Variants in MYO3A observed in about 807,000 individuals in gnomAD.
MYO3A encodes myosin IIIA.
MYO3A carries 180 observed loss-of-function variants against 192.7 expected under a neutral mutation model. The observed-to-expected ratio is 0.93, with a 90% CI of 0.83 to 1.06. MYO3A has a LOEUF of 1.06. Ranked by LOEUF, MYO3A falls within the 50% of genes least tolerant of loss-of-function variation. The pLI is 0.00. For missense variants in MYO3A, 1,896 were observed against 1,905.0 expected, an observed-to-expected ratio of 1.00 and a Z score of 0.09; for synonymous variants, 628 against 645.3, an observed-to-expected ratio of 0.97 and a Z score of 0.41.
chr10:26,158,249 A>AT (rs1273179170), intron 26 of MYO3A, among the ~76,000 whole-genome samples: 3 of 142,940 alleles, frequency 2.1e-5, no homozygotes, highest in African/African-American at 5.1e-5. Flanking sequence ...GGAATGTTTT[A>AT]TTTTATTTTT....
intron 8 of MYO3A, chr10:26,022,732 C>G (rs1842369202): frequency 6.6e-6 from 1 of 151,680 alleles, no homozygotes; most frequent in African/African-American, 2.4e-5. Flanking sequence ...TCTGTACTGC[C>G]TTAGCTGTTT....
chr10:26,193,089 T>C, intron 31 of MYO3A, 116 bp from the exon 32 acceptor site: 3 of 850,892 alleles, frequency 3.5e-6, no homozygotes, highest in Non-Finnish European at 5.7e-6. Context: ...ATTTCCTTTT[T>C]CTCCAGCCTT....
chr10:26,104,451 T>C (rs554192470), intron 17 of MYO3A, among the ~76,000 whole-genome samples: 34 of 152,238 alleles, frequency 2.2e-4, no homozygotes, highest in African/African-American at 8.2e-4. Flanking sequence ...AGATTATCCT[T>C]TCCCCATTGT....
At chr10:25,964,434 C>T (rs558267187) in intron 4 of MYO3A, among the ~76,000 whole-genome samples, 121 of 152,198 alleles carry the variant, frequency 8.0e-4, no homozygotes, top group Admixed American at 3.5e-3. Context: ...ATGAACATAT[C>T]ACACTTTGCA....
chr10:25,956,143 C>T (rs1326480221), intron 4 of MYO3A, among the ~76,000 whole-genome samples: 1 of 152,094 alleles, frequency 6.6e-6, no homozygotes, highest in Non-Finnish European at 1.5e-5. Context: ...TAATAAGGAT[C>T]TTAAAACCGC....
At chr10:26,111,463 T>C (rs537459167) in intron 17 of MYO3A, among the ~76,000 whole-genome samples, 3 of 152,248 alleles carry the variant, frequency 2.0e-5, no homozygotes, top group South Asian at 2.1e-4. Context: ...CCCTACCCTT[T>C]CCTAGGCATG....
intron 4 of MYO3A, among the ~76,000 whole-genome samples, chr10:25,984,408 G>C (rs1399764832): frequency 6.6e-6 from 1 of 152,128 alleles, no homozygotes; most frequent in African/African-American, 2.4e-5. Context: ...TTAAGGTAAA[G>C]GGGCCAGGTT....
chr10:26,096,829 A>G (rs1837071716), intron 17 of MYO3A, 147 bp downstream of exon 17: 2 of 630,018 alleles, frequency 3.2e-6, no homozygotes, highest in Non-Finnish European at 5.6e-6. Flanking sequence ...GAAATATAAT[A>G]TTTACTTTAT....
chr10:25,965,302 T>A (rs142449722), intron 4 of MYO3A, among the ~76,000 whole-genome samples: 1,645 of 152,246 alleles, frequency 0.011, 25 homozygotes, highest in African/African-American at 0.036. Flanking sequence ...CAGATTCCCT[T>A]ATGGCCCAGA....
intron 26 of MYO3A, among the ~76,000 whole-genome samples, chr10:26,160,519 C>G (rs1199487420): frequency 6.6e-6 from 1 of 152,002 alleles, no homozygotes; most frequent in South Asian, 2.1e-4. Context: ...GTGGCTCATG[C>G]CTGTAGTCTT....
chr10:26,042,082 C>A (rs1843381404), intron 10 of MYO3A, among the ~76,000 whole-genome samples: 1 of 152,012 alleles, frequency 6.6e-6, no homozygotes, highest in Non-Finnish European at 1.5e-5. Context: ...GGTATTTTTG[C>A]CAGATATACT....
intron 14 of MYO3A, among the ~76,000 whole-genome samples, chr10:26,073,465 T>A (rs1588903347): frequency 1.3e-5 from 2 of 151,476 alleles, no homozygotes; most frequent in South Asian, 4.2e-4. Context: ...GGTGCTTGGG[T>A]GGCTGAGGCA....
rs559465926 is a variant in MYO3A at position 26,097,592 on chromosome 10, T to C, written c.1776+910T>C. 4.6e-4 allele frequency among the ~76,000 whole-genome samples: 69 copies of C among 151,640 alleles called. 1 individual carries two copies. In the South Asian group the frequency reaches 0.013, roughly 29 times the overall value. ...TGATGTTCCCCACCCTGTGTCCAAG[T>C]CTTCTCATTGTTCAGTTTCCACATA... On this transcript the variant is annotated intron_variant, in intron 17 of 34. Transcript: ENST00000642920.
intron 4 of MYO3A, among the ~76,000 whole-genome samples, chr10:25,982,753 A>G (rs1839410206): frequency 6.6e-6 from 1 of 152,212 alleles, no homozygotes. Context: ...AGAGAACACC[A>G]TATCAAGGGA....
At chr10:25,971,683 A>T (rs182043777) in intron 4 of MYO3A, among the ~76,000 whole-genome samples, 2 of 152,326 alleles carry the variant, frequency 1.3e-5, no homozygotes, top group East Asian at 3.9e-4. Flanking sequence ...CTTCTGGCCT[A>T]CATAGTTCTA....
At chr10:26,033,401 C>G (rs1472243976) in intron 10 of MYO3A, among the ~76,000 whole-genome samples, 1 of 152,036 alleles carries the variant, frequency 6.6e-6, no homozygotes, top group Non-Finnish European at 1.5e-5. Flanking sequence ...ATTAATGGCA[C>G]CACCACTTAT....
At chr10:26,106,244 C>T (rs1384573309) in intron 17 of MYO3A, among the ~76,000 whole-genome samples, 1 of 152,032 alleles carries the variant, frequency 6.6e-6, no homozygotes, top group Non-Finnish European at 1.5e-5. Flanking sequence ...TATGTCTTCT[C>T]ATCCCAAATT....
At chr10:26,199,945 A>G (rs143843245) in intron 32 of MYO3A, among the ~76,000 whole-genome samples, 6 of 152,328 alleles carry the variant, frequency 3.9e-5, no homozygotes, top group African/African-American at 1.2e-4. Context: ...AACCACCACA[A>G]CAAACAGCAC....
chr10:26,144,974 G>A (rs1317797789), intron 21 of MYO3A, among the ~76,000 whole-genome samples: 1 of 152,072 alleles, frequency 6.6e-6, no homozygotes. Flanking sequence ...TCAGGAGTTC[G>A]AGACCAGCCT....
Sources: allele counts gnomAD v4.1 joint callset (sites outside exome capture counted in the v4.1 genomes callset), GRCh38; gene constraint gnomAD v4.1.1; transcripts MANE v1.5; gene names NCBI Gene and HGNC (gene_info 2026-07-23, HGNC 2026-07-21).